The following KCNQ1 variants were observed in gnomAD, a reference collection of about 807,000 sequenced individuals.
The protein encoded by KCNQ1 is potassium voltage-gated channel subfamily Q member 1.
Under a neutral mutation model 72.4 loss-of-function variants are expected in KCNQ1, and 49 were observed. The observed-to-expected ratio is 0.68, with a 90% confidence interval of 0.54 to 0.86. KCNQ1 has a LOEUF of 0.86. Among genes scored for constraint, KCNQ1 ranks in the 40% least tolerant of loss-of-function variants. The pLI is 0.00. For missense variants in KCNQ1, 790 were observed against 945.1 expected, an observed-to-expected ratio of 0.84 and a Z score of 2.15; for synonymous variants, 450 against 412.6, an observed-to-expected ratio of 1.09 and a Z score of -1.10.
At position 2,785,625 on chromosome 11, in the gene KCNQ1, CAT is replaced by C. The variant is rs1304447367; in HGVS notation, c.1794+7589_1794+7590del. On this transcript the variant is annotated intron_variant, in intron 15 of 15. Transcript: ENST00000155840. The surrounding 1 kb of genome is among the most constrained non-coding windows in gnomAD (Gnocchi z 4.4). Reference sequence around the variant, plus strand: ...TCATTTAATACATTTATATTTAATACATTTATATTTAATATAATTTCTAATAG... The same window carrying C: ...TCATTTAATACATTTATATTTAATACTTATATTTAATATAATTTCTAATAG... Among the ~76,000 whole-genome samples, 3 of 27,308 alleles carry C rather than the reference CAT, an allele frequency of 1.1e-4. No homozygotes were observed. Among genetic ancestry groups the C allele is most frequent in the Non-Finnish European group, 2.5e-4 (3 of 11,980 alleles). 17.9% of individuals were successfully genotyped at this position (27,308 alleles called of 152,430 possible). A position where few individuals can be genotyped will look rare whatever the true frequency, so the allele number is the denominator to read the frequency against.
At position 2,488,856 on chromosome 11, in the gene KCNQ1, T is replaced by C. The variant is rs935885269; in HGVS notation, c.387-39072T>C. 1.3e-5 allele frequency among the ~76,000 whole-genome samples: 2 copies of C among 152,228 alleles called. No homozygotes were observed. The highest frequency in any genetic ancestry group is 2.4e-5 in the African/African-American group (1 of 41,458). ...TATTCTCTATTTTGTTGGTCTCTGC[T>C]GTGGTATTTATTATCTTCTTTCTTC... On this transcript the variant is annotated intron_variant, in intron 1 of 15. Coordinates refer to ENST00000155840, the MANE Select transcript of KCNQ1 (RefSeq NM_000218.3). The surrounding 1 kb of genome is among the most constrained non-coding windows in gnomAD (Gnocchi z 5.1).
chr11:2,499,176 T>C (rs553201762), intron 1 of KCNQ1, among the ~76,000 whole-genome samples: 1 of 152,324 alleles, frequency 6.6e-6, no homozygotes, highest in Admixed American at 6.5e-5. Context: ...TCTTGCCAGA[T>C]GTAAAGTGTA....
chr11:2,797,320 A>G (rs1030975686), intron 15 of KCNQ1, among the ~76,000 whole-genome samples: 4 of 152,098 alleles, frequency 2.6e-5, no homozygotes, highest in Non-Finnish European at 4.4e-5. Context: ...AAGCGGTCAC[A>G]TCGCGAATGA....
chr11:2,740,173 G>A (rs756747897), intron 11 of KCNQ1, among the ~76,000 whole-genome samples: 2 of 152,200 alleles, frequency 1.3e-5, no homozygotes, highest in Non-Finnish European at 2.9e-5. Flanking sequence ...TCTGTGAGAT[G>A]GGCTGGGCCT....
At chr11:2,610,863 T>A in intron 10 of KCNQ1, 2 of 398,080 alleles carry the variant, frequency 5.0e-6, no homozygotes, top group Non-Finnish European at 8.8e-6. Flanking sequence ...TTAAGCAGAG[T>A]GCCACATAGC....
intron 10 of KCNQ1, chr11:2,660,658 C>T (rs1849936156): frequency 2.5e-6 from 1 of 398,490 alleles, no homozygotes; most frequent in South Asian, 1.3e-4. Context: ...AGCAATGCCT[C>T]AGTTTTCATC....
Position 2,675,274 on chromosome 11 carries a change from C to T in KCNQ1, c.1514+13193C>T, listed in dbSNP as rs1850273180. 1.8e-5 allele frequency: 7 copies of T among 398,454 alleles called. No individual in the cohort carries two copies. The Admixed American group carries it at 3.1e-4, about 18-fold the overall frequency. 24.7% of individuals were successfully genotyped at this position (398,454 alleles called of 1,614,324 possible). ...CTGTTTCAGAAGTGAAGATAACTCA[C>T]CTCTCCCAAAAGCAGAGTTTTGGCA... On this transcript the variant is annotated intron_variant, in intron 11 of 15. Coordinates refer to ENST00000155840, the MANE Select transcript of KCNQ1 (RefSeq NM_000218.3).
At chr11:2,655,388 T>C (rs1849827327) in intron 10 of KCNQ1, 3 of 398,550 alleles carry the variant, frequency 7.5e-6, no homozygotes, top group Non-Finnish European at 8.8e-6. Flanking sequence ...TGTGACTTCA[T>C]TGTCACCAGG....
rs558224733 is a variant in KCNQ1, at chr11:2,745,935, G to T, written c.1515-22909G>T. 3.9e-4 allele frequency among the ~76,000 whole-genome samples: 59 copies of T among 152,300 alleles called. No individual in the cohort carries two copies. In the East Asian group the frequency reaches 0.01, roughly 26 times the overall value. On this transcript the variant is annotated intron_variant, in intron 11 of 15. Transcript: ENST00000155840. The surrounding 1 kb of genome is among the most constrained non-coding windows in gnomAD (Gnocchi z 6.2). ...GATGGAGTCTCATTCTGTCACCCAG[G>T]CTGGAGTGCAGTGGTGCGATCTCGG...
rs1459083486 is a variant in KCNQ1 at position 2,464,505 on chromosome 11, T to G, written c.386+19021T>G. Among the ~76,000 whole-genome samples, 1 of 152,116 alleles carries G rather than the reference T, an allele frequency of 6.6e-6. No homozygotes were observed. Among genetic ancestry groups the G allele is most frequent in the Non-Finnish European group, 1.5e-5 (1 of 68,006 alleles). On this transcript the variant is annotated intron_variant, in intron 1 of 15. Coordinates refer to ENST00000155840, the MANE Select transcript of KCNQ1 (RefSeq NM_000218.3). The surrounding 1 kb of genome is among the most constrained non-coding windows in gnomAD (Gnocchi z 5.0). ...AGTGCCGGGGTGGGGGCAGGTGCAC[T>G]GTGGTCCTGGGTCCACATGGTGCTA...
In KCNQ1 at chr11:2,659,906, A is replaced by G. The variant is rs1366745445; in HGVS notation, c.1394-2055A>G. 2.5e-6 allele frequency: 1 copy of G among 398,168 alleles called. No homozygotes were observed. Among genetic ancestry groups the G allele is most frequent in the African/African-American group, 2.1e-5 (1 of 48,558 alleles). The allele number at this position is 398,168 out of a possible 1,614,324, so 24.7% of individuals were successfully genotyped here. A position where few individuals can be genotyped will look rare whatever the true frequency, so the allele number is the denominator to read the frequency against. On this transcript the variant is annotated intron_variant, in intron 10 of 15. Transcript: ENST00000155840. The surrounding 1 kb of genome is among the most constrained non-coding windows in gnomAD (Gnocchi z 4.3). Reference sequence around the variant, plus strand: ...AATTGGATTGTTCACTTTATTGTCAAGTTGTAAGCATTCTTTATATATTCT... The same window carrying G: ...AATTGGATTGTTCACTTTATTGTCAGGTTGTAAGCATTCTTTATATATTCT...
rs1036160025 is a variant in KCNQ1 at position 2,752,133 on chromosome 11, G to A, written c.1515-16711G>A. Among the ~76,000 whole-genome samples, 1 of 152,238 alleles carries A rather than the reference G, an allele frequency of 6.6e-6. No individual in the cohort carries two copies. Among genetic ancestry groups the A allele is most frequent in the African/African-American group, 2.4e-5 (1 of 41,466 alleles). On this transcript the variant is annotated intron_variant, in intron 11 of 15. Coordinates refer to ENST00000155840, the MANE Select transcript of KCNQ1 (RefSeq NM_000218.3). This position sits in a 1 kb window ranked among gnomAD's most constrained non-coding sequence, Gnocchi z 5.2. ...GTTTGTAGCCGAGCTTGGGAGTTGTGTTGTGTAGTGTTGACTTGAGTTGCA... is the reference window on the plus strand; with the variant it reads ...GTTTGTAGCCGAGCTTGGGAGTTGTATTGTGTAGTGTTGACTTGAGTTGCA...
At chr11:2,751,147 A>G (rs74049748) in intron 11 of KCNQ1, among the ~76,000 whole-genome samples, 1,531 of 152,242 alleles carry the variant, frequency 0.01, 33 homozygotes, top group African/African-American at 0.035. Context: ...TTGGAACTAC[A>G]AGGCAGTGAC....
chr11:2,630,773 C>T, intron 10 of KCNQ1: 1 of 398,474 alleles, frequency 2.5e-6, no homozygotes, highest in Non-Finnish European at 4.4e-6. Context: ...AGAGTAGTTG[C>T]TGATAAACTC....
intron 11 of KCNQ1, among the ~76,000 whole-genome samples, chr11:2,755,422 G>A (rs998349309): frequency 2.6e-5 from 4 of 152,142 alleles, no homozygotes; most frequent in Admixed American, 6.5e-5. Flanking sequence ...GGCTAATTTT[G>A]TTTAATTTTG....
rs532473749 is a variant in KCNQ1 at position 2,723,267 on chromosome 11, C to T, written c.1515-45577C>T. On this transcript the variant is annotated intron_variant, in intron 11 of 15. Coordinates refer to ENST00000155840, the MANE Select transcript of KCNQ1 (RefSeq NM_000218.3). The surrounding 1 kb of genome is among the most constrained non-coding windows in gnomAD (Gnocchi z 4.2). ...CCGCCCTGGACAAGGTGCCCACGGC[C>T]CTGTCCCATTTACCGTTGGGGCAAG... Among the ~76,000 whole-genome samples the T allele has an allele frequency of 5.9e-5, 9 of 152,350 alleles. No individual in the cohort carries two copies. The East Asian group carries it at 1.5e-3, about 26-fold the overall frequency.
rs192066308 is a variant in KCNQ1, at chr11:2,502,193, T to G, written c.387-25735T>G. Among the ~76,000 whole-genome samples the G allele has an allele frequency of 2.2e-3, 334 of 152,252 alleles. 1 individual carries two copies. Among genetic ancestry groups the G allele is most frequent in the African/African-American group, 7.9e-3 (328 of 41,530 alleles). ...TTAACACAGTAGTGGAAATCCTAGC[T>G]AGAGCAATCAGACAAGAGAAGAAAA... On this transcript the variant is annotated intron_variant, in intron 1 of 15. Transcript: ENST00000155840.
At position 2,662,293 on chromosome 11, in the gene KCNQ1, T is replaced by C. The variant is rs554041638; in HGVS notation, c.1514+212T>C. 6.5e-4 allele frequency: 398 copies of C among 608,018 alleles called. No individual in the cohort carries two copies. The highest frequency in any genetic ancestry group is 1.1e-3 in the Non-Finnish European group (363 of 344,096). The allele number at this position is 608,018 out of a possible 1,614,324, so 37.7% of individuals were successfully genotyped here. On this transcript the variant is annotated intron_variant, in intron 11 of 15. Transcript: ENST00000155840. Reference sequence around the variant, plus strand: ...CACTGAGCCTGGGAACATGATCCTCTTGTTTTGACTTATGGAAAACCAGAC... The same window carrying C: ...CACTGAGCCTGGGAACATGATCCTCCTGTTTTGACTTATGGAAAACCAGAC...
At position 2,828,648 on chromosome 11, in the gene KCNQ1, T is replaced by G. The variant is rs1200866242; in HGVS notation, c.1795-19119T>G. 6.6e-6 allele frequency among the ~76,000 whole-genome samples: 1 copy of G among 151,802 alleles called. No homozygotes were observed. The highest frequency in any genetic ancestry group is 1.5e-5 in the Non-Finnish European group (1 of 67,970). ...CAAGCTCAGCTAGAGACAGGTTGAG[T>G]CTCCAGAAAAGCTGAGCCTGAGAGG... is the stretch of plus-strand genomic sequence containing the variant. On this transcript the variant is annotated intron_variant, in intron 15 of 15. Coordinates refer to ENST00000155840, the MANE Select transcript of KCNQ1 (RefSeq NM_000218.3). The surrounding 1 kb of genome is among the most constrained non-coding windows in gnomAD (Gnocchi z 5.3).
Sources: allele counts gnomAD v4.1 joint callset (sites outside exome capture counted in the v4.1 genomes callset), GRCh38; gene constraint gnomAD v4.1.1; non-coding constraint Gnocchi (gnomAD v3.1); transcripts MANE v1.5; gene names NCBI Gene and HGNC (gene_info 2026-07-23, HGNC 2026-07-21).